The following SLC4A4 variants were observed in gnomAD, a reference collection of about 807,000 sequenced individuals.
SLC4A4 encodes electrogenic sodium bicarbonate cotransporter 1.
Under a neutral mutation model 111.5 loss-of-function variants are expected in SLC4A4, and 27 were observed. The observed-to-expected ratio is 0.24, with a 90% confidence interval of 0.18 to 0.33. The LOEUF (loss-of-function observed/expected upper bound fraction) is 0.33. Among genes scored for constraint, SLC4A4 ranks in the 10% least tolerant of loss-of-function variants. The pLI is 1.00. For missense variants in SLC4A4, 909 were observed against 1,315.5 expected, an observed-to-expected ratio of 0.69 and a Z score of 4.78; for synonymous variants, 443 against 463.4, an observed-to-expected ratio of 0.96 and a Z score of 0.57.
At chr4:71,088,563 T>C (rs1213034257) in intron 1 of SLC4A4, among the ~76,000 whole-genome samples, 1 of 152,076 alleles carries the variant, frequency 6.6e-6, no homozygotes, top group African/African-American at 2.4e-5. Flanking sequence ...TTTCCATGTT[T>C]AGTGCTTCCT....
intron 1 of SLC4A4, among the ~76,000 whole-genome samples, chr4:71,085,740 G>T (rs1198034065): frequency 1.3e-5 from 2 of 151,892 alleles, no homozygotes; most frequent in South Asian, 2.1e-4. Context: ...ATTTCTGAGG[G>T]CTCTGTTCTG....
rs200748317 is a variant in SLC4A4, at chr4:71,289,582, G to GA, written c.253+34191dup. Among the ~76,000 whole-genome samples, 8 of 151,880 alleles carry GA rather than the reference G, an allele frequency of 5.3e-5. No homozygotes were observed. The East Asian group carries it at 9.7e-4, about 18-fold the overall frequency. ...TTGCAAAGTAACATATCAATAAGTG[G>GA]AAAAAAAACAGTGCAAATGGAAGTA... On this transcript the variant is annotated intron_variant, in intron 3 of 25. Coordinates refer to ENST00000264485, the MANE Select transcript of SLC4A4 (RefSeq NM_001098484.3).
intron 18 of SLC4A4, among the ~76,000 whole-genome samples, chr4:71,545,611 G>A (rs370109239): frequency 4.6e-5 from 7 of 151,974 alleles, no homozygotes; most frequent in South Asian, 4.1e-4. Flanking sequence ...CTTCCAGTCA[G>A]TAAATGTTAT....
chr4:71,271,120 CCTT>C (rs1722676962), intron 3 of SLC4A4, among the ~76,000 whole-genome samples: 1 of 152,130 alleles, frequency 6.6e-6, no homozygotes, highest in African/African-American at 2.4e-5. Flanking sequence ...TATGTGGACA[CCTT>C]CACTTGTTTA....
chr4:71,552,730 T>C (rs747669428), intron 20 of SLC4A4, among the ~76,000 whole-genome samples: 9 of 151,894 alleles, frequency 5.9e-5, no homozygotes, highest in Non-Finnish European at 1.2e-4. Context: ...TGGTTATCCA[T>C]AAAATTTCCT....
At chr4:71,472,565 A>G in intron 13 of SLC4A4, 134 bp from the exon 14 acceptor site, 1 of 849,692 alleles carries the variant, frequency 1.2e-6, no homozygotes, top group East Asian at 2.4e-5. Flanking sequence ...TTCTGGCTAA[A>G]GTAGAGTTTC....
chr4:71,125,449 C>T lies in SLC4A4; in HGVS notation c.-2+32657C>T, dbSNP rs187733723. On this transcript the variant is annotated intron_variant, in intron 2 of 26. Transcript: ENST00000649996. ...AATTAGCTCGGCAGGGTGGCACAGG[C>T]CTCAGGAGGCTGAGGCACGAGAATT... Among the ~76,000 whole-genome samples, 5 of 152,226 alleles carry T rather than the reference C, an allele frequency of 3.3e-5. No individual in the cohort carries two copies. The East Asian group carries it at 9.7e-4, about 29-fold the overall frequency.
At chr4:71,156,806 T>C (rs1368492004) in intron 2 of SLC4A4, among the ~76,000 whole-genome samples, 1 of 152,216 alleles carries the variant, frequency 6.6e-6, no homozygotes, top group Non-Finnish European at 1.5e-5. Context: ...CAGTAGTTTT[T>C]GGCCTCGTTT....
At chr4:71,139,725 T>A (rs1038463904) in intron 2 of SLC4A4, among the ~76,000 whole-genome samples, 2 of 152,218 alleles carry the variant, frequency 1.3e-5, no homozygotes, top group African/African-American at 4.8e-5. Flanking sequence ...CACTGATACA[T>A]AGTATTTGTA....
chr4:71,274,541 G>C (rs911774074), intron 3 of SLC4A4, among the ~76,000 whole-genome samples: 7 of 152,222 alleles, frequency 4.6e-5, no homozygotes, highest in Non-Finnish European at 7.3e-5. Context: ...AAGTAATTCA[G>C]TTGTCAGAAG....
chr4:71,508,094 G>A (rs62303779), intron 16 of SLC4A4, among the ~76,000 whole-genome samples: 1 of 152,122 alleles, frequency 6.6e-6, no homozygotes, highest in African/African-American at 2.4e-5. Context: ...ACAGTGTTAA[G>A]AGGGAACTTT....
intron 2 of SLC4A4, among the ~76,000 whole-genome samples, chr4:71,121,956 T>A (rs528829991): frequency 2.6e-5 from 4 of 152,052 alleles, no homozygotes; most frequent in Non-Finnish European, 4.4e-5. Flanking sequence ...ACGGGAGGAA[T>A]GAACAACTCC....
chr4:71,396,637 T>G (rs985950101), intron 6 of SLC4A4, among the ~76,000 whole-genome samples: 11 of 151,304 alleles, frequency 7.3e-5, no homozygotes, highest in Non-Finnish European at 5.9e-5. Context: ...AAAAGTTAGG[T>G]TTTTTTTTGC....
chr4:71,175,578 T>C (rs1012070884), intron 2 of SLC4A4, among the ~76,000 whole-genome samples: 1 of 152,204 alleles, frequency 6.6e-6, no homozygotes, highest in African/African-American at 2.4e-5. Context: ...GCCTCGCTCA[T>C]TGCTAGCACA....
intron 3 of SLC4A4, among the ~76,000 whole-genome samples, chr4:71,333,373 T>C (rs1728175447): frequency 6.6e-6 from 1 of 152,244 alleles, no homozygotes; most frequent in South Asian, 2.1e-4. Context: ...TCTCTTACTT[T>C]CCTCTGAACA....
chr4:71,537,187 T>C (rs1734580883), intron 18 of SLC4A4, among the ~76,000 whole-genome samples: 1 of 151,856 alleles, frequency 6.6e-6, no homozygotes, highest in Admixed American at 6.6e-5. Flanking sequence ...CTATTCTTAG[T>C]AATATCCTCT....
intron 1 of SLC4A4, among the ~76,000 whole-genome samples, chr4:71,188,972 T>C (rs2148993186): frequency 6.6e-6 from 1 of 152,342 alleles, no homozygotes; most frequent in East Asian, 1.9e-4. Context: ...AATTGAATGA[T>C]TTGTTTTAAC....
At chr4:71,115,358 T>C (rs1743217140) in intron 2 of SLC4A4, among the ~76,000 whole-genome samples, 2 of 149,600 alleles carry the variant, frequency 1.3e-5, no homozygotes, top group South Asian at 4.2e-4. Flanking sequence ...AAAAAATAAA[T>C]AAAAAAGAAG....
chr4:71,157,195 C>T (rs771670474), intron 2 of SLC4A4, among the ~76,000 whole-genome samples: 9 of 151,970 alleles, frequency 5.9e-5, no homozygotes, highest in Non-Finnish European at 1.2e-4. Context: ...GTTGAGTGTG[C>T]GTCACTATCA....
Sources: allele counts gnomAD v4.1 joint callset (sites outside exome capture counted in the v4.1 genomes callset), GRCh38; gene constraint gnomAD v4.1.1; transcripts MANE v1.5; gene names NCBI Gene and HGNC (gene_info 2026-07-23, HGNC 2026-07-21).